The following DLG2 variants were observed in gnomAD, a reference collection of about 807,000 sequenced individuals.
DLG2 encodes the protein discs large MAGUK scaffold protein 2, also known as disks large homolog 2.
In DLG2, 45 loss-of-function variants were observed where a neutral mutation model predicts 132.5. The ratio of observed to expected loss-of-function variants is 0.34; its 90% confidence interval spans 0.27 to 0.44. The LOEUF is 0.44. DLG2 is among the 20% of genes least tolerant of loss of function. The pLI is 1.00. For synonymous variants in DLG2, 424 were observed against 419.6 expected (o/e 1.01, Z -0.13); for missense variants, 1,045 against 1,196.9 (o/e 0.87, Z 1.87).
At chr11:85,549,619 G>T (rs1314568684) in intron 3 of DLG2, among the ~76,000 whole-genome samples, 1 of 152,164 alleles carries the variant, frequency 6.6e-6, no homozygotes, top group Non-Finnish European at 1.5e-5. Context: ...CTACTGGGCT[G>T]CATTCCCAGG....
chr11:85,409,547 G>A (rs1015901328), intron 3 of DLG2, among the ~76,000 whole-genome samples: 1 of 151,892 alleles, frequency 6.6e-6, no homozygotes, highest in African/African-American at 2.4e-5. Flanking sequence ...CTAGGATTAA[G>A]GAGTTCAATG....
chr11:84,737,047 T>A (rs930283840), intron 6 of DLG2, among the ~76,000 whole-genome samples: 20 of 151,962 alleles, frequency 1.3e-4, no homozygotes, highest in African/African-American at 4.6e-4. Context: ...TCTATTTATA[T>A]TTTGCCAAGA....
chr11:84,840,439 C>A (rs143455265), intron 6 of DLG2, among the ~76,000 whole-genome samples: 1 of 152,196 alleles, frequency 6.6e-6, no homozygotes, highest in African/African-American at 2.4e-5. Flanking sequence ...TGACTAATTC[C>A]TCAAGGATCT....
At chr11:85,014,984 C>T (rs1055336444) in intron 6 of DLG2, among the ~76,000 whole-genome samples, 1 of 152,168 alleles carries the variant, frequency 6.6e-6, no homozygotes, top group African/African-American at 2.4e-5. Context: ...CAGCTTTCAA[C>T]TTCCATACTA....
At chr11:85,606,763 G>A (rs557644138) in intron 2 of DLG2, among the ~76,000 whole-genome samples, 55 of 151,978 alleles carry the variant, frequency 3.6e-4, no homozygotes, top group African/African-American at 8.9e-4. Flanking sequence ...TGAAGTCAGC[G>A]AGACCATAAA....
At chr11:85,156,722 A>C (rs1349585922) in intron 4 of DLG2, among the ~76,000 whole-genome samples, 1 of 152,204 alleles carries the variant, frequency 6.6e-6, no homozygotes, top group Non-Finnish European at 1.5e-5. Context: ...CATCATACTG[A>C]ACACGGCGGC....
At chr11:83,717,411 T>A (rs1221250620) in intron 18 of DLG2, among the ~76,000 whole-genome samples, 1 of 152,224 alleles carries the variant, frequency 6.6e-6, no homozygotes, top group Non-Finnish European at 1.5e-5. Flanking sequence ...TGGAGATTAA[T>A]GAATTACTGC....
At chr11:85,559,104 C>T (rs966511883) in intron 3 of DLG2, among the ~76,000 whole-genome samples, 1 of 150,700 alleles carries the variant, frequency 6.6e-6, no homozygotes, top group Middle Eastern at 3.5e-3. Context: ...TATAGGGTTC[C>T]AAAAAGAATC....
intron 15 of DLG2, among the ~76,000 whole-genome samples, chr11:83,905,071 T>G (rs2074386535): frequency 6.6e-6 from 1 of 152,162 alleles, no homozygotes; most frequent in South Asian, 2.1e-4. Context: ...CCCATGCATT[T>G]AGGATAAAAT....
At chr11:84,287,190 G>A (rs1230805420) in intron 7 of DLG2, among the ~76,000 whole-genome samples, 2 of 152,070 alleles carry the variant, frequency 1.3e-5, no homozygotes, top group Non-Finnish European at 2.9e-5. Flanking sequence ...TGGTGTTTTA[G>A]TAAGCTCTGC....
intron 7 of DLG2, among the ~76,000 whole-genome samples, chr11:84,371,063 T>C (rs2098704276): frequency 6.6e-6 from 1 of 152,112 alleles, no homozygotes; most frequent in African/African-American, 2.4e-5. Context: ...TTTTTGTCGC[T>C]TTAGATCTAA....
chr11:83,714,914 T>A (rs1183480544), intron 18 of DLG2, among the ~76,000 whole-genome samples: 2 of 152,212 alleles, frequency 1.3e-5, no homozygotes, highest in Non-Finnish European at 2.9e-5. Context: ...TTACTAGGTA[T>A]ATACCCAAAG....
intron 8 of DLG2, among the ~76,000 whole-genome samples, chr11:84,186,214 A>G (rs542603122): frequency 6.6e-6 from 1 of 152,224 alleles, no homozygotes; most frequent in South Asian, 2.1e-4. Flanking sequence ...GTTTTTCATC[A>G]GGTTTTGGAA....
chr11:85,023,165 AG>A (rs1246964230), intron 6 of DLG2, among the ~76,000 whole-genome samples: 1 of 152,052 alleles, frequency 6.6e-6, no homozygotes, highest in Non-Finnish European at 1.5e-5. Flanking sequence ...AAAAACAAGA[AG>A]GGTGCTTTAT....
At chr11:83,798,230 C>T (rs575691193) in intron 17 of DLG2, among the ~76,000 whole-genome samples, 1 of 152,206 alleles carries the variant, frequency 6.6e-6, no homozygotes, top group Non-Finnish European at 1.5e-5. Context: ...CTTACCAGCT[C>T]TATGACTTTG....
chr11:85,040,181 T>A (rs2061738263), intron 6 of DLG2, among the ~76,000 whole-genome samples: 2 of 152,044 alleles, frequency 1.3e-5, no homozygotes, highest in South Asian at 4.1e-4. Context: ...CCTTTAAACC[T>A]ACCAAGGATG....
At chr11:83,696,865 G>A (rs778087197) in intron 18 of DLG2, among the ~76,000 whole-genome samples, 7 of 152,138 alleles carry the variant, frequency 4.6e-5, no homozygotes, top group Admixed American at 2.6e-4. Context: ...AAGCACTATG[G>A]GAGCCCAAGA....
intron 6 of DLG2, among the ~76,000 whole-genome samples, chr11:84,766,407 A>T (rs2068419994): frequency 1.3e-5 from 2 of 151,932 alleles, no homozygotes; most frequent in Admixed American, 1.3e-4. Context: ...CTTTTTTCTT[A>T]TCATCGCTCA....
intron 6 of DLG2, among the ~76,000 whole-genome samples, chr11:85,100,978 A>G (rs1332531807): frequency 6.6e-6 from 1 of 152,178 alleles, no homozygotes. Flanking sequence ...GGTAATTCTG[A>G]TGTCTTCTCC....
Sources: gnomAD v4.1 joint callset for allele counts (sites outside exome capture counted in the v4.1 genomes callset) on GRCh38, gnomAD v4.1.1 for gene constraint, MANE v1.5 for transcripts, NCBI Gene and HGNC (gene_info 2026-07-23, HGNC 2026-07-21) for gene names.